Variants in ATP6V1H observed in about 807,000 individuals in gnomAD.
ATP6V1H encodes V-type proton ATPase subunit H.
A neutral mutation model predicts 71.7 loss-of-function variants in ATP6V1H; 39 were observed. The observed-to-expected ratio is 0.54, with a 90% CI of 0.42 to 0.71. ATP6V1H has a LOEUF of 0.71. ATP6V1H is among the 30% of genes least tolerant of loss of function. The pLI, the probability that ATP6V1H is intolerant of heterozygous loss-of-function variation, is 0.00. For missense variants in ATP6V1H, 509 were observed against 594.9 expected, an observed-to-expected ratio of 0.86 and a Z score of 1.50; for synonymous variants, 192 against 199.3, an observed-to-expected ratio of 0.96 and a Z score of 0.31.
At chr8:53,782,111 A>T (rs955651214) in intron 9 of ATP6V1H, among the ~76,000 whole-genome samples, 3 of 152,174 alleles carry the variant, frequency 2.0e-5, no homozygotes, top group Admixed American at 2.0e-4. Flanking sequence ...GATGGCACTG[A>T]ATCTATAAAT....
chr8:53,765,727 G>A (rs1808437863), intron 11 of ATP6V1H, among the ~76,000 whole-genome samples: 1 of 152,128 alleles, frequency 6.6e-6, no homozygotes, highest in Non-Finnish European at 1.5e-5. Flanking sequence ...CAGATTCAAT[G>A]CAATCCCAAT....
intron 4 of ATP6V1H, among the ~76,000 whole-genome samples, chr8:53,820,842 C>A (rs1328484958): frequency 1.3e-5 from 2 of 151,452 alleles, no homozygotes; most frequent in Admixed American, 6.6e-5. Context: ...ATTAGCCAGG[C>A]GTGGTAGCAC....
In ATP6V1H at chr8:53,765,454, AACACACACACAC is replaced by A. The variant is rs59822523; in HGVS notation, c.1175+4152_1175+4163del. On this transcript the variant is annotated intron_variant, in intron 11 of 13. Transcript: ENST00000359530. ...GAGGGTGGTGGACAACAACAACAAC[AACACACACACAC>A]ACACACACACACACACACACACACA... Among the ~76,000 whole-genome samples the A allele has an allele frequency of 3.0e-3, 219 of 74,122 alleles. 5 individuals carry two copies. Among genetic ancestry groups the A allele is most frequent in the African/African-American group, 7.9e-3 (172 of 21,848 alleles). 48.6% of individuals were successfully genotyped at this position (74,122 alleles called of 152,430 possible).
chr8:53,722,180 C>T (rs866216838), intron 13 of ATP6V1H, among the ~76,000 whole-genome samples: 45 of 152,312 alleles, frequency 3.0e-4, no homozygotes, highest in African/African-American at 1.1e-3. Context: ...CAAGAGTTGT[C>T]CTCTTCCCCT....
intron 9 of ATP6V1H, among the ~76,000 whole-genome samples, chr8:53,781,589 G>A (rs1043411748): frequency 7.2e-5 from 11 of 152,040 alleles, no homozygotes; most frequent in African/African-American, 2.7e-4. Flanking sequence ...CATTGCTTTT[G>A]GTGTTTTAGA....
chr8:53,784,162 T>C (rs370716485), intron 9 of ATP6V1H, among the ~76,000 whole-genome samples: 2 of 152,200 alleles, frequency 1.3e-5, no homozygotes, highest in African/African-American at 2.4e-5. Flanking sequence ...CCCATTATTA[T>C]TGTGTGGGAG....
intron 13 of ATP6V1H, among the ~76,000 whole-genome samples, chr8:53,724,608 C>G (rs1308835550): frequency 6.7e-6 from 1 of 149,302 alleles, no homozygotes; most frequent in Admixed American, 6.7e-5. Context: ...CCCGCCCCAC[C>G]CCGACAGCCA....
At chr8:53,752,384 T>A (rs1197533931) in intron 12 of ATP6V1H, among the ~76,000 whole-genome samples, 3 of 152,158 alleles carry the variant, frequency 2.0e-5, no homozygotes, top group Non-Finnish European at 4.4e-5. Flanking sequence ...TCTGATGAAG[T>A]GCTGAGCTGG....
At chr8:53,755,293 C>G (rs1287305896) in intron 12 of ATP6V1H, among the ~76,000 whole-genome samples, 1 of 152,032 alleles carries the variant, frequency 6.6e-6, no homozygotes, top group Non-Finnish European at 1.5e-5. Flanking sequence ...TCTATGTGCC[C>G]CATTCCAATA....
At chr8:53,718,766 T>G (rs561582531) in intron 13 of ATP6V1H, among the ~76,000 whole-genome samples, 1 of 152,138 alleles carries the variant, frequency 6.6e-6, no homozygotes, top group Non-Finnish European at 1.5e-5. Flanking sequence ...ACGTGACACA[T>G]AGAAAAATCA....
chr8:53,779,796 T>A (rs1809032589), intron 9 of ATP6V1H, among the ~76,000 whole-genome samples: 1 of 152,138 alleles, frequency 6.6e-6, no homozygotes, highest in African/African-American at 2.4e-5. Context: ...ATATCAAAGC[T>A]CTTTTGTTTA....
intron 9 of ATP6V1H, among the ~76,000 whole-genome samples, chr8:53,776,432 G>C (rs1240391511): frequency 1.3e-5 from 2 of 152,218 alleles, no homozygotes; most frequent in Admixed American, 6.5e-5. Context: ...AGCGAGGGCT[G>C]TGAGGACTGC....
intron 12 of ATP6V1H, among the ~76,000 whole-genome samples, chr8:53,754,925 T>C (rs1807946746): frequency 6.6e-6 from 1 of 152,236 alleles, no homozygotes; most frequent in Admixed American, 6.5e-5. Flanking sequence ...TACCATGGAA[T>C]GGCTGAGGGA....
chr8:53,732,681 AAGTAAC>A (rs961610360), intron 13 of ATP6V1H, among the ~76,000 whole-genome samples: 3 of 152,092 alleles, frequency 2.0e-5, no homozygotes, highest in South Asian at 2.1e-4. Flanking sequence ...AGAAAAAAAA[AAGTAAC>A]AGTAAGAGCA....
chr8:53,818,155 T>G (rs1373377335), intron 4 of ATP6V1H, among the ~76,000 whole-genome samples: 1 of 152,360 alleles, frequency 6.6e-6, no homozygotes, highest in Non-Finnish European at 1.5e-5. Context: ...ATCCACTTTC[T>G]GATTCATTAT....
At chr8:53,829,557 G>C (rs750644506) in intron 3 of ATP6V1H, 24 bp from the exon 4 acceptor site, 131 of 1,439,724 alleles carry the variant, frequency 9.1e-5, no homozygotes, top group Non-Finnish European at 1.2e-4. Context: ...TGAAATTAAA[G>C]TTATTGTTTT....
chr8:53,767,518 ACT>A lies in ATP6V1H; in HGVS notation c.1175+2098_1175+2099del, dbSNP rs1310448452. Among the ~76,000 whole-genome samples, 20 of 151,912 alleles carry A rather than the reference ACT, an allele frequency of 1.3e-4. No individual in the cohort carries two copies. In the East Asian group the frequency reaches 1.4e-3, roughly 10 times the overall value. ...TTAGAGACTCATTAAATAAAGATAC[ACT>A]CTTTTTTTTTATAAAAAGAAAAAAG... On this transcript the variant is annotated intron_variant, in intron 11 of 13. Coordinates refer to ENST00000359530, the MANE Select transcript of ATP6V1H (RefSeq NM_015941.4).
In ATP6V1H at chr8:53,841,594, A is replaced by C; in HGVS notation, c.97T>G (p.Trp33Gly). 1.2e-6 allele frequency: 2 copies of C among 1,614,144 alleles called. No homozygotes were observed. The highest frequency in any genetic ancestry group is 1.7e-6 in the Non-Finnish European group (2 of 1,179,996). Reference sequence around the variant, plus strand: ...GGTACTTACTGAAGATAGGATTGCCAGTTGACTTTGTTTGCACGAACTTCT... The same window carrying C: ...GGTACTTACTGAAGATAGGATTGCCCGTTGACTTTGTTTGCACGAACTTCT... ...AAEVRANKVN[W>G]QSYLQGQMIS... The change falls in exon 2 of 14, where the codon TGG (tryptophan) becomes GGG (glycine). Residue 33 changes from tryptophan (W) to glycine (G), a missense_variant. By Grantham distance (184) the Trp-to-Gly change is radical. Around this residue, in one of 2 missense-constraint regions of ATP6V1H, gnomAD observed 297 missense variants for 303.3 expected, o/e 0.98. Coordinates refer to ENST00000359530, the MANE Select transcript of ATP6V1H (RefSeq NM_015941.4).
intron 9 of ATP6V1H, among the ~76,000 whole-genome samples, chr8:53,779,114 GCT>G (rs1272324762): frequency 2.6e-5 from 4 of 152,196 alleles, no homozygotes; most frequent in East Asian, 3.9e-4. Flanking sequence ...GATTTTAACA[GCT>G]CTCTCAGCAA....
Sources: allele counts gnomAD v4.1 joint callset (sites outside exome capture counted in the v4.1 genomes callset), GRCh38; gene constraint gnomAD v4.1.1; regional missense constraint gnomAD v4.1.1; transcripts MANE v1.5; gene names NCBI Gene and HGNC (gene_info 2026-07-23, HGNC 2026-07-21).